TBC1D1: variants seen among roughly 807,000 people sequenced by gnomAD.
TBC1D1 encodes the protein TBC1 (tre-2/USP6, BUB2, cdc16) domain family, member 1.
Under a neutral mutation model 125.6 loss-of-function variants are expected in TBC1D1, and 89 were observed. The observed-to-expected ratio is 0.71, with a 90% CI of 0.60 to 0.85. The LOEUF (loss-of-function observed/expected upper bound fraction) is 0.85. Ranked by LOEUF, TBC1D1 falls within the 40% of genes least tolerant of loss-of-function variation. The pLI is 0.00. For synonymous variants in TBC1D1, 565 were observed against 564.1 expected, an observed-to-expected ratio of 1.00 and a Z score of -0.02; for missense variants, 1,377 against 1,469.2, an observed-to-expected ratio of 0.94 and a Z score of 1.03.
At chr4:38,040,507 T>C (rs1049339817) in intron 8 of TBC1D1, among the ~76,000 whole-genome samples, 2 of 152,190 alleles carry the variant, frequency 1.3e-5, no homozygotes, top group Non-Finnish European at 2.9e-5. Context: ...TGGGATGTTC[T>C]CCGTCTCTTG....
chr4:38,006,947 G>T, intron 2 of TBC1D1: 2 of 436,152 alleles, frequency 4.6e-6, no homozygotes, highest in Non-Finnish European at 4.6e-6. Context: ...GTTGTCATCT[G>T]GATACCCAGT....
intron 4 of TBC1D1, 77 bp from the exon 5 acceptor site, chr4:38,020,514 A>G (rs746741328): frequency 3.0e-5 from 35 of 1,154,308 alleles, no homozygotes; most frequent in Non-Finnish European, 4.2e-5. Context: ...ATTGTGCTGT[A>G]TAAATCTTGA....
At chr4:37,910,279 C>G (rs1481301304) in intron 2 of TBC1D1, among the ~76,000 whole-genome samples, 1 of 152,150 alleles carries the variant, frequency 6.6e-6, no homozygotes, top group Non-Finnish European at 1.5e-5. Flanking sequence ...TAGCTTAGGT[C>G]TTTACTGTCC....
intron 2 of TBC1D1, chr4:37,952,175 G>C: frequency 1.4e-6 from 1 of 693,852 alleles, no homozygotes; most frequent in Non-Finnish European, 2.7e-6. Flanking sequence ...GTGGCCCTGA[G>C]ACTATTTATC....
chr4:37,969,883 C>G (rs532646226), intron 2 of TBC1D1, among the ~76,000 whole-genome samples: 34 of 152,198 alleles, frequency 2.2e-4, no homozygotes, highest in Non-Finnish European at 4.3e-4. Context: ...AAACCCTGCA[C>G]CCATTAGCAG....
chr4:38,047,313 G>A (rs962521339), intron 10 of TBC1D1, among the ~76,000 whole-genome samples: 4 of 152,080 alleles, frequency 2.6e-5, no homozygotes, highest in Non-Finnish European at 4.4e-5. Context: ...TGGTTAAAGT[G>A]CAGATTCTGG....
chr4:37,988,895 C>T (rs988513143), intron 2 of TBC1D1, among the ~76,000 whole-genome samples: 1 of 152,160 alleles, frequency 6.6e-6, no homozygotes, highest in African/African-American at 2.4e-5. Context: ...CACAACTGAC[C>T]AGCGTAAACA....
At chr4:37,907,311 G>A (rs549501678) in intron 2 of TBC1D1, among the ~76,000 whole-genome samples, 5 of 152,290 alleles carry the variant, frequency 3.3e-5, no homozygotes, top group African/African-American at 1.2e-4. Context: ...AAGGTTAGCT[G>A]TAATATGAAA....
chr4:38,044,548 T>C, intron 9 of TBC1D1, 58 bp downstream of exon 9: 3 of 1,526,532 alleles, frequency 2.0e-6, no homozygotes, highest in Admixed American at 4.3e-5. Flanking sequence ...GAGTGTAAGA[T>C]TGAGTTCTAT....
intron 6 of TBC1D1, among the ~76,000 whole-genome samples, chr4:38,024,306 A>G (rs1176808673): frequency 6.6e-6 from 1 of 152,216 alleles, no homozygotes; most frequent in Non-Finnish European, 1.5e-5. Context: ...GATGATAGAA[A>G]TGCCCCTTAA....
At chr4:37,942,125 GT>G (rs1471027065) in intron 2 of TBC1D1, among the ~76,000 whole-genome samples, 1 of 152,212 alleles carries the variant, frequency 6.6e-6, no homozygotes, top group Non-Finnish European at 1.5e-5. Context: ...ACAGTGGGGT[GT>G]TAAAGTCTCC....
chr4:38,011,531 G>A (rs1180146495), intron 2 of TBC1D1, among the ~76,000 whole-genome samples: 2 of 152,132 alleles, frequency 1.3e-5, no homozygotes, highest in Non-Finnish European at 2.9e-5. Flanking sequence ...TTTGCAATTT[G>A]TTGTTGAAAC....
At chr4:38,000,730 A>C (rs908349306) in intron 2 of TBC1D1, among the ~76,000 whole-genome samples, 1 of 152,166 alleles carries the variant, frequency 6.6e-6, no homozygotes, top group African/African-American at 2.4e-5. Flanking sequence ...GTGATCAGTT[A>C]AATTCTGACA....
chr4:38,015,200 G>C (rs1407569376), intron 3 of TBC1D1, among the ~76,000 whole-genome samples: 1 of 152,082 alleles, frequency 6.6e-6, no homozygotes, highest in African/African-American at 2.4e-5. Context: ...ATCTCACCCG[G>C]TAATTATAAA....
chr4:38,026,255 G>A (rs1745065325), intron 6 of TBC1D1, among the ~76,000 whole-genome samples: 1 of 152,158 alleles, frequency 6.6e-6, no homozygotes, highest in South Asian at 2.1e-4. Context: ...AGCAGAGATG[G>A]CTGCAACAGT....
intron 2 of TBC1D1, among the ~76,000 whole-genome samples, chr4:38,007,409 C>T (rs1166860948): frequency 6.6e-6 from 1 of 151,958 alleles, no homozygotes; most frequent in Non-Finnish European, 1.5e-5. Flanking sequence ...CCTGCCACCA[C>T]GCCTGGTTAA....
rs780761769 is a variant in TBC1D1 at position 38,006,426 on chromosome 4, T to G, written c.418-8083T>G. Among the ~76,000 whole-genome samples, 102 of 151,906 alleles carry G rather than the reference T, an allele frequency of 6.7e-4. 1 individual carries two copies. The highest frequency in any genetic ancestry group is 6.8e-4 in the Non-Finnish European group (46 of 68,000). On this transcript the variant is annotated intron_variant, in intron 2 of 19. Coordinates refer to ENST00000261439, the MANE Select transcript of TBC1D1 (RefSeq NM_015173.4). ...TGGAAAGACAGTAGATGCATTTTCT[T>G]CTCTCTGCCACAGAGGAAGAAATTT...
intron 2 of TBC1D1, among the ~76,000 whole-genome samples, chr4:37,905,794 T>C (rs1717179582): frequency 1.3e-5 from 2 of 152,224 alleles, no homozygotes; most frequent in Non-Finnish European, 2.9e-5. Flanking sequence ...TTGCTTAAAT[T>C]TGTCTTGATC....
intron 16 of TBC1D1, 21 bp from the exon 19 acceptor site, chr4:38,118,012 C>CT: frequency 6.2e-7 from 1 of 1,613,202 alleles, no homozygotes; most frequent in South Asian, 1.1e-5. Flanking sequence ...ATTCTCAGCC[C>CT]TTGTGGCTGT....
Sources: allele counts gnomAD v4.1 joint callset (sites outside exome capture counted in the v4.1 genomes callset), GRCh38; gene constraint gnomAD v4.1.1; transcripts MANE v1.5; gene names NCBI Gene and HGNC (gene_info 2026-07-23, HGNC 2026-07-21).